Variants in STIP1 observed in about 807,000 individuals in gnomAD.
STIP1 encodes stress-induced-phosphoprotein 1.
In STIP1, 16 loss-of-function variants were observed where a neutral mutation model predicts 77.4. That is an observed-to-expected ratio of 0.21 (90% CI 0.14 to 0.31). The LOEUF is 0.31. STIP1 is among the 10% of genes least tolerant of loss of function. STIP1 has a pLI of 1.00. For missense variants in STIP1, 524 were observed against 684.8 expected (o/e 0.77, Z 2.62); for synonymous variants, 258 against 246.6 (o/e 1.05, Z -0.44).
chr11:64,189,885 G>A (rs914387254), intron 1 of STIP1, among the ~76,000 whole-genome samples: 1 of 151,840 alleles, frequency 6.6e-6, no homozygotes, highest in African/African-American at 2.4e-5. Flanking sequence ...TGGGCTCTAG[G>A]ATTTTTTATC....
chr11:64,187,084 A>G (rs1946031237), intron 1 of STIP1, among the ~76,000 whole-genome samples: 1 of 152,086 alleles, frequency 6.6e-6, no homozygotes, highest in Admixed American at 6.5e-5. Flanking sequence ...GGGTGGTTGT[A>G]GACAATTTAC....
chr11:64,196,084 A>G (rs1225997055), intron 5 of STIP1, among the ~76,000 whole-genome samples: 3 of 152,120 alleles, frequency 2.0e-5, no homozygotes, highest in African/African-American at 7.2e-5. Flanking sequence ...TATTCATTAG[A>G]ATGGCCAGCA....
At chr11:64,203,875 G>A (rs1224788777) in intron 13 of STIP1, 179 bp from the exon 14 acceptor site, 9 of 826,954 alleles carry the variant, frequency 1.1e-5, no homozygotes, top group Non-Finnish European at 1.7e-5. Flanking sequence ...GTGGGCTCAA[G>A]AGTAGGACTG....
chr11:64,193,771 GCAAGACCCT>G (rs1244919472), intron 2 of STIP1, among the ~76,000 whole-genome samples: 4 of 151,994 alleles, frequency 2.6e-5, no homozygotes, highest in African/African-American at 9.7e-5. Flanking sequence ...AGGTGACACG[GCAAGACCCT>G]GTCTCAAAAA....
chr11:64,204,422 T>G lies in STIP1; in HGVS notation c.*296T>G. On this transcript the variant is annotated 3_prime_UTR_variant, in exon 14 of 14. Transcript: ENST00000305218. ...TCCCATAGTTGGTTTTTTTTTTATT[T>G]GGGGCAGTGGGCATGTTATGGGGAG... 1 of 420,116 alleles carries G rather than the reference T, an allele frequency of 2.4e-6. No individual in the cohort carries two copies. Among genetic ancestry groups the G allele is most frequent in the Non-Finnish European group, 4.2e-6 (1 of 235,874 alleles). The allele number at this position is 420,116 out of a possible 1,614,324, so 26.0% of individuals were successfully genotyped here.
intron 5 of STIP1, 138 bp downstream of exon 5, chr11:64,195,951 A>G: frequency 7.7e-7 from 1 of 1,303,376 alleles, no homozygotes; most frequent in Non-Finnish European, 1.1e-6. Context: ...TGTGTTTCCC[A>G]GGTTGGTCTT....
At chr11:64,203,055 C>T (rs1411680030) in intron 11 of STIP1, 70 bp from the exon 12 acceptor site, 1 of 1,594,174 alleles carries the variant, frequency 6.3e-7, no homozygotes. Flanking sequence ...TGTTGGTGTG[C>T]AGGTGAAGAG....
intron 1 of STIP1, among the ~76,000 whole-genome samples, chr11:64,189,484 G>A (rs1034429030): frequency 7.9e-5 from 12 of 152,036 alleles, no homozygotes; most frequent in African/African-American, 9.6e-5. Flanking sequence ...CCAAGATTGC[G>A]CCACTGCCCT....
chr11:64,188,747 G>A (rs1465347345), intron 1 of STIP1, among the ~76,000 whole-genome samples: 1 of 152,192 alleles, frequency 6.6e-6, no homozygotes. Flanking sequence ...TAGGTAGATG[G>A]TGAATGAATA....
chr11:64,189,538 T>G (rs1416508102), intron 1 of STIP1, among the ~76,000 whole-genome samples: 7 of 151,212 alleles, frequency 4.6e-5, no homozygotes, highest in Non-Finnish European at 1.0e-4. Context: ...AAAAAAAAAG[T>G]TGGACAGATT....
chr11:64,186,268 C>T lies in STIP1; in HGVS notation c.7C>T (p.Gln3Ter). 1 of 1,481,656 alleles carries T rather than the reference C, an allele frequency of 6.7e-7. No individual in the cohort carries two copies. Among genetic ancestry groups the T allele is most frequent in the Non-Finnish European group, 9.0e-7 (1 of 1,108,014 alleles). The allele number at this position is 1,481,656 out of a possible 1,614,324, so 91.8% of individuals were successfully genotyped here. Reference sequence around the variant, plus strand: ...TTCCGGACCGCGCTGCGCTATGGAGCAGGTGAAGGGGGAGGGGCGGGCTGA... The same window carrying T: ...TTCCGGACCGCGCTGCGCTATGGAGTAGGTGAAGGGGGAGGGGCGGGCTGA... The part of the protein sequence containing the change: ME[Q>*]VNELKEKGNK... Residue 3 changes from glutamine (Q) to a stop codon, truncating the protein, a stop_gained and splice_region_variant, in exon 1 of 14, where the codon CAG becomes TAG. Transcript: ENST00000305218. LOFTEE classifies it high-confidence loss of function.
At chr11:64,185,995 C>A (rs757612785), upstream of STIP1, 4 of 1,542,438 alleles carry the variant, frequency 2.6e-6, no homozygotes, top group South Asian at 3.6e-5. Flanking sequence ...AGAGGAGCGC[C>A]CAATCCTGAG....
In STIP1 at chr11:64,195,748, C is replaced by A. The variant is rs748774832; in HGVS notation, c.607C>A (p.Pro203Thr). ...EEEIATPPPPPPPKKETKPEP... is the reference protein window; with the variant it reads ...EEEIATPPPPTPPKKETKPEP... The stretch of plus-strand genomic sequence containing the variant: ...AGAGATTGCAACACCTCCACCACCA[C>A]CCCCTCCCAAAAAGGAGACCAAGCC... The change falls in exon 5 of 14, where the codon CCC (proline) becomes ACC (threonine). Residue 203 changes from proline to threonine, a missense_variant. Physicochemically the swap from Pro to Thr is conservative, Grantham distance 38 (BLOSUM62 -1). Transcript: ENST00000305218. 6.2e-7 allele frequency: 1 copy of A among 1,614,122 alleles called. No individual in the cohort carries two copies. Among genetic ancestry groups the A allele is most frequent in the South Asian group, 1.1e-5 (1 of 91,078 alleles).
intron 8 of STIP1, among the ~76,000 whole-genome samples, chr11:64,199,332 GTC>G (rs535443279): frequency 2.2e-4 from 33 of 151,126 alleles, no homozygotes; most frequent in African/African-American, 6.3e-4. Flanking sequence ...GTGAAACTCT[GTC>G]TCTACTAAAT....
intron 1 of STIP1, among the ~76,000 whole-genome samples, chr11:64,188,345 A>G: frequency 1.3e-5 from 1 of 75,380 alleles, no homozygotes. Context: ...CTCCATCTCA[A>G]AAAAAAAAAA....
chr11:64,193,777 C>T (rs913536706), intron 2 of STIP1, among the ~76,000 whole-genome samples: 4 of 151,846 alleles, frequency 2.6e-5, no homozygotes, highest in African/African-American at 9.7e-5. Context: ...CACGGCAAGA[C>T]CCTGTCTCAA....
intron 10 of STIP1, among the ~76,000 whole-genome samples, chr11:64,202,056 T>C (rs1946224221): frequency 6.6e-6 from 1 of 152,212 alleles, no homozygotes. Context: ...GAATGAGACA[T>C]CCAAGTCTTG....
At chr11:64,194,662 T>A in intron 4 of STIP1, 42 bp downstream of exon 4, 2 of 1,602,330 alleles carry the variant, frequency 1.2e-6, no homozygotes, top group Non-Finnish European at 1.7e-6. Flanking sequence ...AATCGGGGAA[T>A]GTTATGCTTT....
At chr11:64,192,574 T>C (rs1445775026) in intron 1 of STIP1, among the ~76,000 whole-genome samples, 1 of 152,220 alleles carries the variant, frequency 6.6e-6, no homozygotes, top group Admixed American at 6.5e-5. Flanking sequence ...ATGACAACTA[T>C]GCCATAGGCA....
Sources: allele counts gnomAD v4.1 joint callset (sites outside exome capture counted in the v4.1 genomes callset), GRCh38; gene constraint gnomAD v4.1.1; transcripts MANE v1.5; gene names NCBI Gene and HGNC (gene_info 2026-07-23, HGNC 2026-07-21).